The following ZNF140 variants were observed in gnomAD, a reference collection of about 807,000 sequenced individuals.
The protein encoded by ZNF140 is zinc finger protein 140 (clone pHZ-39).
In ZNF140, 13 loss-of-function variants were observed where a neutral mutation model predicts 12.9. The ratio of observed to expected loss-of-function variants is 1.01; its 90% CI spans 0.66 to 1.60. The LOEUF is 1.60. ZNF140 is among the 40% of genes most tolerant of loss of function. The probability of loss-of-function intolerance (pLI) is 0.00; values close to 1 mark genes in which losing one functional copy is unlikely to be tolerated. For missense variants in ZNF140, 531 were observed against 548.8 expected (o/e 0.97, Z 0.32); for synonymous variants, 214 against 186.7 (o/e 1.15, Z -1.19).
chr12:133,083,258 G>A, intron 3 of ZNF140, 29 bp downstream of exon 3: 1 of 1,597,912 alleles, frequency 6.3e-7, no homozygotes. Flanking sequence ...CTCCCTCAAG[G>A]CAAAATTTGA....
At chr12:133,099,217 G>A (rs1333874068) in intron 4 of ZNF140, among the ~76,000 whole-genome samples, 4 of 151,792 alleles carry the variant, frequency 2.6e-5, no homozygotes, top group Non-Finnish European at 5.9e-5. Flanking sequence ...CTGTCACCCA[G>A]GCTGGAGTGC....
chr12:133,087,685 C>T (rs1348313115), intron 4 of ZNF140, among the ~76,000 whole-genome samples: 1 of 152,170 alleles, frequency 6.6e-6, no homozygotes, highest in Non-Finnish European at 1.5e-5. Flanking sequence ...TAGGAGTTAC[C>T]TGCACAGCTT....
At chr12:133,093,174 G>A (rs1407089254) in intron 4 of ZNF140, among the ~76,000 whole-genome samples, 6 of 151,126 alleles carry the variant, frequency 4.0e-5, no homozygotes, top group African/African-American at 1.5e-4. Flanking sequence ...TCTTCAGGTT[G>A]GGCAGGGCCA....
intron 4 of ZNF140, among the ~76,000 whole-genome samples, chr12:133,101,864 C>T (rs945822545): frequency 3.9e-5 from 6 of 152,186 alleles, no homozygotes; most frequent in Non-Finnish European, 8.8e-5. Context: ...AAACTGTTAG[C>T]ATATTAATCA....
At position 133,105,784 on chromosome 12, in the gene ZNF140, T is replaced by C; in HGVS notation, c.507T>C (p.Thr169=). The change falls in exon 5 of 5, where the codon ACT becomes ACC. Residue 169 remains threonine (T), a synonymous_variant. Transcript: ENST00000355557. ...RPYGCHECGK[T]FGRRFSLVLH... ...ATGGATGCCATGAATGTGGAAAAAC[T>C]TTTGGTCGACGCTTTTCCCTGGTGT... 6.2e-7 allele frequency: 1 copy of C among 1,614,108 alleles called. No homozygotes were observed. Among genetic ancestry groups the C allele is most frequent in the Non-Finnish European group, 8.5e-7 (1 of 1,180,026 alleles).
At chr12:133,097,039 T>A (rs944470371) in intron 4 of ZNF140, among the ~76,000 whole-genome samples, 2 of 152,224 alleles carry the variant, frequency 1.3e-5, no homozygotes, top group Non-Finnish European at 2.9e-5. Context: ...GGTTTGTTGT[T>A]AGGCACATGC....
chr12:133,100,165 T>G (rs1022651351), intron 4 of ZNF140, among the ~76,000 whole-genome samples: 5 of 126,992 alleles, frequency 3.9e-5, no homozygotes, highest in Admixed American at 7.6e-5. Context: ...TTTCCGTTTT[T>G]TTTTTTTTTT....
At chr12:133,085,611 G>A (rs1412133476) in intron 4 of ZNF140, among the ~76,000 whole-genome samples, 1 of 152,038 alleles carries the variant, frequency 6.6e-6, no homozygotes, top group Non-Finnish European at 1.5e-5. Flanking sequence ...TTTCTTTATT[G>A]TTCCATCAGC....
intron 3 of ZNF140, 93 bp from the exon 4 acceptor site, chr12:133,083,373 A>G: frequency 6.6e-7 from 1 of 1,512,284 alleles, no homozygotes; most frequent in Non-Finnish European, 8.9e-7. Context: ...CCTTATTTTT[A>G]GACATTTTAA....
chr12:133,093,641 GCTGTT>G (rs1321341830), intron 4 of ZNF140: 1 of 593,892 alleles, frequency 1.7e-6, no homozygotes, highest in Admixed American at 2.9e-5. Context: ...CCTCATGTGG[GCTGTT>G]CTTTTTACCA....
chr12:133,106,088 AAAC>A lies in ZNF140; in HGVS notation c.814_816del (p.Gln272del), dbSNP rs1566325777. The stretch of plus-strand genomic sequence containing the variant: ...ACATCAAAGAATTCACATAGGAAAG[AAAC>A]AATATATATGTAGGAAATGTGGTAA... On this transcript the variant is annotated inframe_deletion, in exon 5 of 5. Transcript: ENST00000355557. 2.5e-6 allele frequency: 4 copies of A among 1,614,162 alleles called. No homozygotes were observed. The South Asian group carries it at 4.4e-5, about 18-fold the overall frequency.
At chr12:133,102,947 T>A (rs997944668) in intron 4 of ZNF140, among the ~76,000 whole-genome samples, 2 of 149,938 alleles carry the variant, frequency 1.3e-5, no homozygotes, top group Admixed American at 1.3e-4. Context: ...CGAACATTGT[T>A]TTGATTGTGT....
intron 4 of ZNF140, among the ~76,000 whole-genome samples, chr12:133,089,173 A>G (rs1233373870): frequency 3.3e-5 from 5 of 151,694 alleles, no homozygotes; most frequent in Non-Finnish European, 7.4e-5. Flanking sequence ...TTACCAGTGA[A>G]TCCTGATGCT....
chr12:133,095,931 C>T (rs1461809459), intron 4 of ZNF140, among the ~76,000 whole-genome samples: 5 of 151,754 alleles, frequency 3.3e-5, no homozygotes, highest in Admixed American at 6.6e-5. Flanking sequence ...AATGTACAAT[C>T]GGGTTTTATA....
chr12:133,101,407 A>G (rs1157138160), intron 4 of ZNF140, among the ~76,000 whole-genome samples: 1 of 151,992 alleles, frequency 6.6e-6, no homozygotes, highest in Non-Finnish European at 1.5e-5. Context: ...ATATCTACAC[A>G]GAATACTTAT....
At chr12:133,081,447 G>A in intron 2 of ZNF140, 118 bp downstream of exon 2, 1 of 427,674 alleles carries the variant, frequency 2.3e-6, no homozygotes, top group Non-Finnish European at 4.6e-6. Flanking sequence ...ATAGCATCCT[G>A]TAACCTCAAA....
At chr12:133,098,768 G>C (rs1037630889) in intron 4 of ZNF140, among the ~76,000 whole-genome samples, 1 of 148,166 alleles carries the variant, frequency 6.7e-6, no homozygotes. Context: ...GCAGTGGCAC[G>C]ATCTTGGCTC....
At chr12:133,085,503 A>G (rs1954645602) in intron 4 of ZNF140, among the ~76,000 whole-genome samples, 1 of 152,180 alleles carries the variant, frequency 6.6e-6, no homozygotes, top group South Asian at 2.1e-4. Flanking sequence ...AATAAACACA[A>G]TACTGCTAGG....
In ZNF140 at chr12:133,083,224, C is replaced by T; in HGVS notation, c.131C>T (p.Ser44Leu). Residue 44 changes from serine (S) to leucine (L), a missense_variant, in exon 3 of 5, where the codon TCA becomes TTA. Transcript: ENST00000355557. Reference sequence around the variant, plus strand: ...TTGGAGAACTATGGCCATCTGGTCTCACTGGGTAAGTATTCTTCTTCATCT... The same window carrying T: ...TTGGAGAACTATGGCCATCTGGTCTTACTGGGTAAGTATTCTTCTTCATCT... ...VMLENYGHLV[S>L]LGLSISKPDV... 3 of 1,611,934 alleles carry T rather than the reference C, an allele frequency of 1.9e-6. No individual in the cohort carries two copies. Among genetic ancestry groups the T allele is most frequent in the Non-Finnish European group, 1.7e-6 (2 of 1,178,382 alleles).
Sources: gnomAD v4.1 joint callset for allele counts (sites outside exome capture counted in the v4.1 genomes callset) on GRCh38, gnomAD v4.1.1 for gene constraint, MANE v1.5 for transcripts, NCBI Gene and HGNC (gene_info 2026-07-23, HGNC 2026-07-21) for gene names.